The following PTPRM variants were observed in gnomAD, a reference collection of about 807,000 sequenced individuals.
PTPRM encodes protein tyrosine phosphatase receptor type M, also known as receptor-type tyrosine-protein phosphatase mu.
A neutral mutation model predicts 186.7 loss-of-function variants in PTPRM; 47 were observed. That is an observed-to-expected ratio of 0.25 (90% confidence interval 0.20 to 0.32). PTPRM has a LOEUF of 0.32. PTPRM is among the 10% of genes least tolerant of loss of function. The pLI, the probability that PTPRM is intolerant of heterozygous loss-of-function variation, is 1.00. For synonymous variants in PTPRM, 668 were observed against 674.9 expected, an observed-to-expected ratio of 0.99 and a Z score of 0.16; for missense variants, 1,494 against 1,865.0, an observed-to-expected ratio of 0.80 and a Z score of 3.66.
chr18:7,708,686 T>G (rs1387276113), intron 1 of PTPRM, among the ~76,000 whole-genome samples: 1 of 152,202 alleles, frequency 6.6e-6, no homozygotes, highest in African/African-American at 2.4e-5. Context: ...TATCAAATAC[T>G]TTAAAGCTTA....
At chr18:7,878,921 G>A (rs1366965061) in intron 2 of PTPRM, among the ~76,000 whole-genome samples, 5 of 152,278 alleles carry the variant, frequency 3.3e-5, no homozygotes, top group East Asian at 1.9e-4. Flanking sequence ...TCTTTAGAAC[G>A]TTCTAAATAG....
At chr18:8,162,695 G>A (rs76649914) in intron 14 of PTPRM, among the ~76,000 whole-genome samples, 1,557 of 152,280 alleles carry the variant, frequency 0.01, 14 homozygotes, top group Non-Finnish European at 0.016. Context: ...CTTTTATGCC[G>A]GGTTTGAGGA....
intron 1 of PTPRM, among the ~76,000 whole-genome samples, chr18:7,617,881 C>T (rs1244798609): frequency 6.6e-6 from 1 of 152,100 alleles, no homozygotes; most frequent in Non-Finnish European, 1.5e-5. Context: ...TACTCTTGGT[C>T]TGGGAGATCT....
intron 1 of PTPRM, among the ~76,000 whole-genome samples, chr18:7,759,512 A>G (rs1210563405): frequency 2.6e-5 from 4 of 152,244 alleles, no homozygotes; most frequent in African/African-American, 9.6e-5. Flanking sequence ...TTCTGGACGC[A>G]GATAAGGCTC....
At chr18:7,881,798 G>A (rs551854557) in intron 2 of PTPRM, among the ~76,000 whole-genome samples, 7 of 152,162 alleles carry the variant, frequency 4.6e-5, no homozygotes, top group Non-Finnish European at 7.4e-5. Flanking sequence ...CCTTGAAGCC[G>A]GGTCTTTTCT....
intron 7 of PTPRM, among the ~76,000 whole-genome samples, chr18:8,061,551 C>T (rs1457700367): frequency 1.0e-4 from 9 of 89,930 alleles, no homozygotes; most frequent in African/African-American, 4.4e-4. Flanking sequence ...TCTTCCTAGT[C>T]TCGATGGTCT....
At chr18:7,589,999 T>G (rs183806902) in intron 1 of PTPRM, among the ~76,000 whole-genome samples, 58 of 152,300 alleles carry the variant, frequency 3.8e-4, no homozygotes, top group African/African-American at 1.2e-3. Flanking sequence ...TCTTTCCAAC[T>G]TGTCTCTAAT....
chr18:8,066,222 G>A (rs1015695713), intron 7 of PTPRM, among the ~76,000 whole-genome samples: 11 of 152,214 alleles, frequency 7.2e-5, no homozygotes, highest in Non-Finnish European at 1.5e-4. Context: ...ATGAGAATTA[G>A]TAAAAGAATT....
At chr18:7,796,850 G>T (rs976753413) in intron 2 of PTPRM, among the ~76,000 whole-genome samples, 1 of 152,182 alleles carries the variant, frequency 6.6e-6, no homozygotes, top group Admixed American at 6.5e-5. Flanking sequence ...CCAGCCTAAA[G>T]GGGAATTTTC....
At chr18:8,270,436 A>T (rs950179161) in intron 19 of PTPRM, 1 of 152,120 alleles carries the variant, frequency 6.6e-6, no homozygotes, top group Non-Finnish European at 1.5e-5. Flanking sequence ...GATGTGGAGG[A>T]AAAGGAACTC....
intron 7 of PTPRM, among the ~76,000 whole-genome samples, chr18:8,002,089 G>A (rs772766816): frequency 1.3e-3 from 191 of 152,082 alleles, no homozygotes; most frequent in Non-Finnish European, 1.8e-3. Flanking sequence ...AAAAATTGCC[G>A]GTAATCCATC....
chr18:8,294,823 G>A (rs1397164561), intron 19 of PTPRM, among the ~76,000 whole-genome samples: 1 of 152,098 alleles, frequency 6.6e-6, no homozygotes, highest in Non-Finnish European at 1.5e-5. Flanking sequence ...TCAGTCTTCT[G>A]TGTTGTGTTT....
chr18:8,051,938 C>A lies in PTPRM; in HGVS notation c.1133-17748C>A, dbSNP rs973451488. On this transcript the variant is annotated intron_variant, in intron 7 of 32. Transcript: ENST00000580170. ...ATCCATATCTTTTAAAATCCATTTTCATGTTTCTTTTCTATTCTCTTTCAT... is the reference window on the plus strand; with the variant it reads ...ATCCATATCTTTTAAAATCCATTTTAATGTTTCTTTTCTATTCTCTTTCAT... 2.6e-5 allele frequency among the ~76,000 whole-genome samples: 4 copies of A among 152,222 alleles called. No individual in the cohort carries two copies. In the South Asian group the frequency reaches 6.2e-4, roughly 24 times the overall value.
At chr18:8,403,561 C>T (rs1330014395) in intron 32 of PTPRM, 2 of 152,104 alleles carry the variant, frequency 1.3e-5, no homozygotes, top group Non-Finnish European at 2.9e-5. Context: ...AATAAACAAG[C>T]ACATGTACCC....
At chr18:8,287,731 T>C (rs2094972857) in intron 19 of PTPRM, among the ~76,000 whole-genome samples, 1 of 152,160 alleles carries the variant, frequency 6.6e-6, no homozygotes, top group South Asian at 2.1e-4. Context: ...AGTGTGAACC[T>C]CCCAAACTCT....
In PTPRM at chr18:7,568,267, C is replaced by T. The variant is rs2036479459; in HGVS notation, c.73+376C>T. 6.6e-6 allele frequency among the ~76,000 whole-genome samples: 1 copy of T among 151,796 alleles called. No homozygotes were observed. Among genetic ancestry groups the T allele is most frequent in the Non-Finnish European group, 1.5e-5 (1 of 67,882 alleles). On this transcript the variant is annotated intron_variant, in intron 1 of 32. Coordinates refer to ENST00000580170, the MANE Select transcript of PTPRM (RefSeq NM_001105244.2). This position sits in a 1 kb window ranked among gnomAD's most constrained non-coding sequence, Gnocchi z 5.1. ...GCTTGAAGTTCCCAGTTGCAGCCGC[C>T]GGGCCGCCTGGCGTAGGCGCTGCGC...
chr18:8,397,945 T>G (rs937477834), intron 32 of PTPRM, among the ~76,000 whole-genome samples: 4 of 152,172 alleles, frequency 2.6e-5, no homozygotes, highest in African/African-American at 9.7e-5. Flanking sequence ...AGTGAACAAC[T>G]GGCCCCATCA....
chr18:8,124,269 G>A (rs1474618348), intron 13 of PTPRM, among the ~76,000 whole-genome samples: 1 of 152,110 alleles, frequency 6.6e-6, no homozygotes, highest in Admixed American at 6.5e-5. Flanking sequence ...ATTTACTGCT[G>A]GTTTTAATGA....
chr18:7,846,300 G>A (rs900517938), intron 2 of PTPRM, among the ~76,000 whole-genome samples: 1 of 152,116 alleles, frequency 6.6e-6, no homozygotes, highest in African/African-American at 2.4e-5. Flanking sequence ...TGGTGTTTTT[G>A]GTTGATTTGT....
Sources: allele counts gnomAD v4.1 joint callset (sites outside exome capture counted in the v4.1 genomes callset), GRCh38; gene constraint gnomAD v4.1.1; non-coding constraint Gnocchi (gnomAD v3.1); transcripts MANE v1.5; gene names NCBI Gene and HGNC (gene_info 2026-07-23, HGNC 2026-07-21).